The following ZNF616 variants were observed in gnomAD, a reference collection of about 807,000 sequenced individuals.
ZNF616 encodes zinc finger protein 616.
Under a neutral mutation model 7.6 loss-of-function variants are expected in ZNF616, and 5 were observed. The ratio of observed to expected loss-of-function variants is 0.66; its 90% CI spans 0.34 to 1.38. The LOEUF is 1.38. Ranked by LOEUF, ZNF616 falls within the 40% of genes most tolerant of loss-of-function variation. The probability of loss-of-function intolerance (pLI) is 0.04; values close to 1 mark genes in which losing one functional copy is unlikely to be tolerated. For missense variants in ZNF616, 913 were observed against 948.3 expected (o/e 0.96, Z 0.49); for synonymous variants, 319 against 317.2 (o/e 1.01, Z -0.06).
intron 3 of ZNF616, among the ~76,000 whole-genome samples, chr19:52,119,207 C>T (rs112906634): frequency 0.036 from 5,464 of 151,886 alleles, 309 homozygotes; most frequent in African/African-American, 0.13. Flanking sequence ...TGAAACCCCA[C>T]CTCTACTAAA....
At chr19:52,135,500 T>G (rs2088999637) in intron 1 of ZNF616, among the ~76,000 whole-genome samples, 4 of 152,068 alleles carry the variant, frequency 2.6e-5, no homozygotes. Context: ...TACTCCAAAA[T>G]AACAAATGTA....
Position 52,130,571 on chromosome 19 carries a change from A to C in ZNF616, c.-59T>G. 6.3e-7 allele frequency: 1 copy of C among 1,581,550 alleles called. No individual in the cohort carries two copies. The highest frequency in any genetic ancestry group is 8.6e-7 in the Non-Finnish European group (1 of 1,167,254). ...CTGGGTTTCTTTCTCAGTCAATGTA[A>C]TTATTCACACATCAAACCTGAAAGT... is the stretch of plus-strand genomic sequence containing the variant. On this transcript the variant is annotated 5_prime_UTR_variant, in exon 2 of 4. Transcript: ENST00000600228.
chr19:52,137,252 A>C (rs1219980724), intron 1 of ZNF616, among the ~76,000 whole-genome samples: 1 of 150,904 alleles, frequency 6.6e-6, no homozygotes, highest in African/African-American at 2.5e-5. Context: ...CCCCGTCTGT[A>C]CTAAAAAAAA....
chr19:52,130,401 C>G, intron 2 of ZNF616, 100 bp downstream of exon 2: 1 of 1,068,912 alleles, frequency 9.4e-7, no homozygotes, highest in South Asian at 1.2e-5. Context: ...ACTTCAGACT[C>G]AGAGAAGATT....
chr19:52,131,625 T>C (rs2088961180), intron 1 of ZNF616, among the ~76,000 whole-genome samples: 3 of 152,184 alleles, frequency 2.0e-5, no homozygotes, highest in African/African-American at 7.2e-5. Context: ...GAAAGGAGTG[T>C]TCTGTGAGCT....
rs193201796 is a variant in ZNF616 at position 52,116,618 on chromosome 19, T to C, written c.546A>G (p.Glu182=). ...CACATTCATTACATACATACGTTTTTTCCCTAATGTGTGGAGAAACTAAAC... is the reference window on the plus strand; with the variant it reads ...CACATTCATTACATACATACGTTTTCTCCCTAATGTGTGGAGAAACTAAAC... ...NGCLVSPHIR[E]KTYVCNECGK... is the part of the protein sequence containing the mutation. Residue 182 remains glutamate (E), a synonymous_variant, in exon 4 of 4, where the codon GAA becomes GAG. Coordinates refer to ENST00000600228, the MANE Select transcript of ZNF616 (RefSeq NM_178523.5). 18 of 1,614,072 alleles carry C rather than the reference T, an allele frequency of 1.1e-5. No individual in the cohort carries two copies. Among genetic ancestry groups the C allele is most frequent in the Non-Finnish European group, 1.4e-5 (17 of 1,179,954 alleles).
At chr19:52,121,527 T>C (rs1398353721) in intron 3 of ZNF616, among the ~76,000 whole-genome samples, 2 of 152,146 alleles carry the variant, frequency 1.3e-5, no homozygotes, top group Non-Finnish European at 2.9e-5. Context: ...AAAACAGTGC[T>C]AAGATAGAAA....
At position 52,116,203 on chromosome 19, in the gene ZNF616, CAGTATGAACTGTCTGATGA is replaced by C. The variant is rs1568558308; in HGVS notation, c.942_960del (p.His315GlufsTer25). The stretch of plus-strand genomic sequence containing the variant: ...TCATTACATTTGAAGGGTCTCTCTC[CAGTATGAACTGTCTGATGA>C]AGTCTAAGATGGACACGCTGACTAA... On this transcript the variant is annotated frameshift_variant, in exon 4 of 4. Transcript: ENST00000600228. LOFTEE classifies it low-confidence loss of function (END_TRUNC). 2.5e-6 allele frequency: 4 copies of C among 1,613,804 alleles called. No homozygotes were observed. The East Asian group carries it at 8.9e-5, about 36-fold the overall frequency.
chr19:52,128,752 A>AG (rs1300855997), intron 2 of ZNF616, among the ~76,000 whole-genome samples: 1 of 152,066 alleles, frequency 6.6e-6, no homozygotes, highest in East Asian at 1.9e-4. Context: ...AAAAAAAAAA[A>AG]AAAAAGCTAA....
chr19:52,122,992 C>T (rs1185375663), intron 3 of ZNF616, among the ~76,000 whole-genome samples: 1 of 152,112 alleles, frequency 6.6e-6, no homozygotes, highest in East Asian at 1.9e-4. Flanking sequence ...AAAGAAATAA[C>T]TGAAACTGTC....
rs554356975 is a variant in ZNF616 at position 52,116,174 on chromosome 19, A to T, written c.990T>A (p.Cys330Ter). The change falls in exon 4 of 4, where the codon TGT becomes TGA. Residue 330 changes from cysteine to a stop codon, truncating the protein, a stop_gained. Transcript: ENST00000600228. LOFTEE classifies it low-confidence loss of function (END_TRUNC). ...TTGAGCTCCGTTTAAAGGTTTTGCC[A>T]CACTCATTACATTTGAAGGGTCTCT... ...TGERPFKCNE[C>*]GKTFKRSSNL... 6.2e-7 allele frequency: 1 copy of T among 1,614,196 alleles called. No individual in the cohort carries two copies. Among genetic ancestry groups the T allele is most frequent in the Admixed American group, 1.7e-5 (1 of 60,014 alleles).
chr19:52,137,330 G>A (rs1356821299), intron 1 of ZNF616, among the ~76,000 whole-genome samples: 1 of 151,946 alleles, frequency 6.6e-6, no homozygotes, highest in South Asian at 2.1e-4. Flanking sequence ...GGCTGAGGCA[G>A]GAGAATGGTG....
chr19:52,115,983 G>A lies in ZNF616; in HGVS notation c.1181C>T (p.Ser394Leu), dbSNP rs2088817818. The part of the protein sequence containing the change: ...NECGKVFSKR[S>L]SLAVHRRIHT... ...AATTCGTCGATGCACTGCAAGACTTGAACGTTTACTGAAGACCTTGCCACA... is the reference window on the plus strand; with the variant it reads ...AATTCGTCGATGCACTGCAAGACTTAAACGTTTACTGAAGACCTTGCCACA... Residue 394 changes from serine (S) to leucine (L), a missense_variant, in exon 4 of 4, where the codon TCA (serine) becomes TTA (leucine). Ser to Leu is a moderately radical substitution (Grantham distance 145). Transcript: ENST00000600228. 6.2e-7 allele frequency: 1 copy of A among 1,614,192 alleles called. No individual in the cohort carries two copies. Among genetic ancestry groups the A allele is most frequent in the Non-Finnish European group, 8.5e-7 (1 of 1,180,038 alleles).
rs1568557447 is a variant in ZNF616 at position 52,114,958 on chromosome 19, G to C, written c.2206C>G (p.Gln736Glu). 3.1e-6 allele frequency: 5 copies of C among 1,614,080 alleles called. No homozygotes were observed. Among genetic ancestry groups the C allele is most frequent in the Non-Finnish European group, 3.4e-6 (4 of 1,179,994 alleles). ...FGRLFSLSKH[Q>E]RIHSGKKPYK... ...GGTTTTTTGCCAGAATGAATTCTTT[G>C]GTGTTTGCTGAGGGAAAACAACCGC... The change falls in exon 4 of 4, where the codon CAA (glutamine) becomes GAA (glutamate). Residue 736 changes from glutamine (Q) to glutamate (E), a missense_variant. Transcript: ENST00000600228.
intron 1 of ZNF616, 72 bp from the exon 2 acceptor site, chr19:52,130,660 C>A (rs2088950547): frequency 2.6e-6 from 3 of 1,156,460 alleles, no homozygotes; most frequent in Non-Finnish European, 3.7e-6. Flanking sequence ...ACCATGCACA[C>A]AGGGAAGAAC....
At position 52,116,558 on chromosome 19, in the gene ZNF616, A is replaced by G. The variant is rs931824832; in HGVS notation, c.606T>C (p.Asn202=). Residue 202 remains asparagine (N), a synonymous_variant, in exon 4 of 4, where the codon AAT becomes AAC. Coordinates refer to ENST00000600228, the MANE Select transcript of ZNF616 (RefSeq NM_178523.5). ...TCTCTGTAGTATGTATCCTCTGATG[A>G]TTAATAAGGCTGGAAGACGCTTTAA... ...KAFKASSSLI[N]HQRIHTTEKP... is the part of the protein sequence containing the mutation. The G allele has an allele frequency of 1.9e-6, 3 of 1,613,966 alleles. No homozygotes were observed. Among genetic ancestry groups the G allele is most frequent in the Admixed American group, 1.7e-5 (1 of 59,996 alleles).
chr19:52,119,974 T>C (rs1404510748), intron 3 of ZNF616, among the ~76,000 whole-genome samples: 1 of 152,158 alleles, frequency 6.6e-6, no homozygotes, highest in South Asian at 2.1e-4. Flanking sequence ...AGGAGATGGA[T>C]GAATTTATTT....
At chr19:52,126,586 G>A (rs1161145650) in intron 2 of ZNF616, among the ~76,000 whole-genome samples, 2 of 151,650 alleles carry the variant, frequency 1.3e-5, no homozygotes, top group Non-Finnish European at 2.9e-5. Context: ...TGGCCAACAC[G>A]GTGAAACCCC....
At chr19:52,120,641 T>C (rs1278597205) in intron 3 of ZNF616, among the ~76,000 whole-genome samples, 3 of 152,150 alleles carry the variant, frequency 2.0e-5, no homozygotes, top group Admixed American at 6.6e-5. Flanking sequence ...TTATAAATGG[T>C]AATAGAAAGA....
Sources: allele counts gnomAD v4.1 joint callset (sites outside exome capture counted in the v4.1 genomes callset), GRCh38; gene constraint gnomAD v4.1.1; transcripts MANE v1.5; gene names NCBI Gene and HGNC (gene_info 2026-07-23, HGNC 2026-07-21).